SERPINA12: variants seen among roughly 807,000 people sequenced by gnomAD.
SERPINA12 encodes serpin family A member 12, also known as serpin A12.
In SERPINA12, 21 loss-of-function variants were observed where a neutral mutation model predicts 25.9. The ratio of observed to expected loss-of-function variants is 0.81; its 90% CI spans 0.58 to 1.17. The LOEUF is 1.17. SERPINA12 is among the 50% of genes most tolerant of loss of function. The probability of loss-of-function intolerance (pLI) is 0.00; values close to 1 mark genes in which losing one functional copy is unlikely to be tolerated. For synonymous variants in SERPINA12, 220 were observed against 196.0 expected (o/e 1.12, Z -1.02); for missense variants, 562 against 508.3 (o/e 1.11, Z -1.02).
intron 2 of SERPINA12, 48 bp from the exon 3 acceptor site, chr14:94,496,691 G>T: frequency 6.4e-7 from 1 of 1,558,372 alleles, no homozygotes. Flanking sequence ...AGGGAAAAAA[G>T]GTGACTAAAT....
chr14:94,497,983 A>G lies in SERPINA12; in HGVS notation c.415T>C (p.Phe139Leu), dbSNP rs779493199. 1.2e-6 allele frequency: 2 copies of G among 1,614,176 alleles called. No individual in the cohort carries two copies. Among genetic ancestry groups the G allele is most frequent in the Admixed American group, 3.3e-5 (2 of 60,018 alleles). ...TGTGGCTGCAGCCTCTGGTCAATGA[A>G]CAGCGTGTTCCCAATGCTCAGTTTG... ...DLKLSIGNTL[F>L]IDQRLQPQRK... Residue 139 changes from phenylalanine to leucine, a missense_variant, in exon 2 of 5, where the codon TTC becomes CTC. Transcript: ENST00000677451.
upstream of SERPINA12, among the ~76,000 whole-genome samples, chr14:94,510,608 T>C (rs1901084540): frequency 6.6e-6 from 1 of 152,158 alleles, no homozygotes; most frequent in South Asian, 2.1e-4. Flanking sequence ...CACTACTGGG[T>C]ATCTACCCAG....
Position 94,489,808 on chromosome 14 carries a change from T to C in SERPINA12, c.906-41A>G, listed in dbSNP as rs762727488. ...GACAAGGGTGAGTGGTCAAGTCCTG[T>C]TGTGTTGCAGGGCAAGCCTCAGGAT... On this transcript the variant is annotated intron_variant, in intron 3 of 4. Coordinates refer to ENST00000677451, the MANE Select transcript of SERPINA12 (RefSeq NM_001382267.1). 4.4e-6 allele frequency: 7 copies of C among 1,602,446 alleles called. No homozygotes were observed. The South Asian group carries it at 5.6e-5, about 13-fold the overall frequency.
At chr14:94,488,157 C>A (rs1403217563) in intron 4 of SERPINA12, among the ~76,000 whole-genome samples, 1 of 152,180 alleles carries the variant, frequency 6.6e-6, no homozygotes, top group Non-Finnish European at 1.5e-5. Context: ...CTCAACAAGA[C>A]CTTCAGAGCT....
At chr14:94,509,938 T>C, upstream of SERPINA12, 1 of 980,284 alleles carries the variant, frequency 1.0e-6, no homozygotes, top group Non-Finnish European at 1.2e-6. Flanking sequence ...CTGGCACTGC[T>C]ATAGAATACC....
intron 1 of SERPINA12, among the ~76,000 whole-genome samples, chr14:94,516,508 C>T (rs1901237952): frequency 6.6e-6 from 1 of 152,164 alleles, no homozygotes. Context: ...TTCACAAACA[C>T]CAGGTGCACC....
chr14:94,489,538 G>A (rs1419605225), intron 4 of SERPINA12, 82 bp downstream of exon 4: 2 of 1,494,464 alleles, frequency 1.3e-6, no homozygotes, highest in East Asian at 4.7e-5. Context: ...GGCTCTGACA[G>A]CCACTGTGAC....
upstream of SERPINA12, among the ~76,000 whole-genome samples, chr14:94,512,977 T>C (rs1482728821): frequency 6.6e-6 from 1 of 152,190 alleles, no homozygotes; most frequent in Non-Finnish European, 1.5e-5. Context: ...CCAAGAATGT[T>C]CCACACATTC....
At chr14:94,502,997 G>C (rs533584535) in intron 1 of SERPINA12, among the ~76,000 whole-genome samples, 5 of 152,272 alleles carry the variant, frequency 3.3e-5, no homozygotes, top group Middle Eastern at 3.4e-3. Context: ...TTTGGGCTGA[G>C]AAATCTGAGG....
intron 1 of SERPINA12, chr14:94,503,119 A>G (rs2139859076): frequency 2.4e-6 from 2 of 850,176 alleles, no homozygotes; most frequent in Non-Finnish European, 2.8e-6. Context: ...TAAAGGACTG[A>G]TATTGCTTTA....
chr14:94,488,641 T>G (rs2139843286), intron 4 of SERPINA12, among the ~76,000 whole-genome samples: 1 of 152,298 alleles, frequency 6.6e-6, no homozygotes, highest in African/African-American at 2.4e-5. Context: ...AATTCAAATT[T>G]AATTGGGTAT....
intron 3 of SERPINA12, among the ~76,000 whole-genome samples, chr14:94,492,164 T>C (rs1900204357): frequency 6.6e-6 from 1 of 152,124 alleles, no homozygotes; most frequent in Admixed American, 6.5e-5. Flanking sequence ...CTGACTGCAC[T>C]CTGCAACACA....
chr14:94,498,452 A>G (rs12433651), intron 1 of SERPINA12, 22 bp from the exon 2 acceptor site: 222,381 of 1,557,352 alleles, frequency 0.14, 17,540 homozygotes, highest in Admixed American at 0.21. Flanking sequence ...AGAAAAAAAG[A>G]ACATGATAAC....
intron 3 of SERPINA12, among the ~76,000 whole-genome samples, chr14:94,494,928 G>T (rs1052148859): frequency 6.6e-6 from 1 of 152,058 alleles, no homozygotes; most frequent in East Asian, 1.9e-4. Context: ...CCACCTCCCT[G>T]GTTCCCAGTG....
Position 94,489,015 on chromosome 14 carries a change from T to TGAACCTGG in SERPINA12, c.1053+597_1053+604dup, listed in dbSNP as rs1424974868. 3.3e-5 allele frequency among the ~76,000 whole-genome samples: 5 copies of TGAACCTGG among 152,184 alleles called. No individual in the cohort carries two copies. The East Asian group carries it at 9.7e-4, about 29-fold the overall frequency. ...GGGAGGCTGAGGCAGGAGAATTGCT[T>TGAACCTGG]GAACCTGGGAGGTGGAGGTTGCAGT... On this transcript the variant is annotated intron_variant, in intron 4 of 4. Transcript: ENST00000677451.
chr14:94,509,845 C>T (rs1901062311), upstream of SERPINA12: 1 of 396,360 alleles, frequency 2.5e-6, no homozygotes, highest in African/African-American at 2.2e-5. Flanking sequence ...GCTCCACAGC[C>T]CTGATCCCTG....
intron 3 of SERPINA12, among the ~76,000 whole-genome samples, chr14:94,494,374 T>G (rs1900306139): frequency 6.6e-6 from 1 of 152,210 alleles, no homozygotes; most frequent in Non-Finnish European, 1.5e-5. Flanking sequence ...GTGACTCCTT[T>G]CACACGGAAC....
upstream of SERPINA12, among the ~76,000 whole-genome samples, chr14:94,509,747 C>A (rs1048129562): frequency 5.9e-5 from 9 of 152,352 alleles, no homozygotes; most frequent in African/African-American, 1.9e-4. Flanking sequence ...GAGGGCCTGG[C>A]TTGCTAGGAC....
intron 1 of SERPINA12, among the ~76,000 whole-genome samples, chr14:94,504,801 T>A (rs959745676): frequency 3.9e-5 from 6 of 152,360 alleles, no homozygotes; most frequent in Middle Eastern, 6.8e-3. Flanking sequence ...GATGAGACTA[T>A]GGCTGAACTC....
Sources: gnomAD v4.1 joint callset for allele counts (sites outside exome capture counted in the v4.1 genomes callset) on GRCh38, gnomAD v4.1.1 for gene constraint, MANE v1.5 for transcripts, NCBI Gene and HGNC (gene_info 2026-07-23, HGNC 2026-07-21) for gene names.